Variants in TBCD observed in about 807,000 individuals in gnomAD.
TBCD encodes the protein tubulin folding cofactor D.
TBCD carries 105 observed loss-of-function variants against 169.3 expected under a neutral mutation model. The ratio of observed to expected loss-of-function variants is 0.62; its 90% CI spans 0.53 to 0.73. The LOEUF (loss-of-function observed/expected upper bound fraction) is 0.73, where lower values mean the gene tolerates loss of function less well. TBCD is among the 30% of genes least tolerant of loss of function. The pLI, the probability that TBCD is intolerant of heterozygous loss-of-function variation, is 0.00. For missense variants in TBCD, 1,444 were observed against 1,600.1 expected (o/e 0.90, Z 1.66); for synonymous variants, 700 against 643.9 (o/e 1.09, Z -1.32).
At chr17:82,827,177 A>C (rs767344894) in intron 13 of TBCD, among the ~76,000 whole-genome samples, 1 of 152,220 alleles carries the variant, frequency 6.6e-6, no homozygotes, top group African/African-American at 2.4e-5. Context: ...TGGTGTTTCA[A>C]CTTTTTCCAA....
intron 9 of TBCD, among the ~76,000 whole-genome samples, chr17:82,803,127 G>T (rs1002590778): frequency 1.3e-5 from 2 of 152,134 alleles, no homozygotes; most frequent in African/African-American, 4.8e-5. Flanking sequence ...GATGAGGACG[G>T]ACTTACGCTC....
chr17:82,926,616 C>A (rs1454734328), intron 28 of TBCD, 125 bp downstream of exon 28: 1 of 773,056 alleles, frequency 1.3e-6, no homozygotes, highest in Non-Finnish European at 2.1e-6. Context: ...TTCCTCTCTT[C>A]CAGAGGATCG....
chr17:82,859,434 AAG>A (rs1016839941), intron 13 of TBCD, among the ~76,000 whole-genome samples: 7 of 104,938 alleles, frequency 6.7e-5, no homozygotes, highest in Non-Finnish European at 1.6e-4. Flanking sequence ...CTTTCAGGGA[AAG>A]AGAGTCTCGT....
At chr17:82,845,619 C>T (rs1259577493) in intron 13 of TBCD, among the ~76,000 whole-genome samples, 5 of 152,172 alleles carry the variant, frequency 3.3e-5, no homozygotes, top group Non-Finnish European at 7.4e-5. Flanking sequence ...TCCTGTCCGG[C>T]TCAGCCCTTT....
At chr17:82,926,954 A>G (rs2061810354) in intron 28 of TBCD, 1 of 596,466 alleles carries the variant, frequency 1.7e-6, no homozygotes, top group South Asian at 2.1e-5. Context: ...GACCAGCCGC[A>G]GGGGGCGTCC....
chr17:82,901,015 C>T (rs953338421), intron 18 of TBCD, among the ~76,000 whole-genome samples: 8 of 152,184 alleles, frequency 5.3e-5, no homozygotes, highest in South Asian at 2.1e-4. Flanking sequence ...TCCGAGGGGG[C>T]GCGGGCGTAG....
At chr17:82,897,716 T>A (rs2059585248) in intron 17 of TBCD, among the ~76,000 whole-genome samples, 1 of 152,192 alleles carries the variant, frequency 6.6e-6, no homozygotes, top group Non-Finnish European at 1.5e-5. Context: ...CTGACTGACC[T>A]CCTGTCGCTG....
chr17:82,835,501 C>T lies in TBCD; in HGVS notation c.1318+20567C>T, dbSNP rs945943952. On this transcript the variant is annotated intron_variant, in intron 13 of 38. Transcript: ENST00000355528. This position sits in a 1 kb window ranked among gnomAD's most constrained non-coding sequence, Gnocchi z 4.5. Reference sequence around the variant, plus strand: ...GCAGTGGTGCGATCTCGGTTCACTGCAACCTCTGCCTCCTGGGTTCAAGAG... The same window carrying T: ...GCAGTGGTGCGATCTCGGTTCACTGTAACCTCTGCCTCCTGGGTTCAAGAG... 3.9e-5 allele frequency among the ~76,000 whole-genome samples: 6 copies of T among 152,184 alleles called. No individual in the cohort carries two copies. Among genetic ancestry groups the T allele is most frequent in the Admixed American group, 6.5e-5 (1 of 15,280 alleles).
chr17:82,761,224 A>G (rs1222331691), intron 2 of TBCD, among the ~76,000 whole-genome samples: 1 of 152,150 alleles, frequency 6.6e-6, no homozygotes, highest in Non-Finnish European at 1.5e-5. Context: ...TCGGCCTCCC[A>G]AAGTGCTGGG....
At chr17:82,899,108 C>T (rs1021633923) in intron 17 of TBCD, among the ~76,000 whole-genome samples, 7 of 152,212 alleles carry the variant, frequency 4.6e-5, no homozygotes, top group Admixed American at 2.0e-4. Flanking sequence ...GGGGACCGTC[C>T]GCAGCGCGTG....
rs547701844 is a variant in TBCD at position 82,867,595 on chromosome 17, C to T, written c.1319-2629C>T. Among the ~76,000 whole-genome samples, 7 of 152,284 alleles carry T rather than the reference C, an allele frequency of 4.6e-5. No individual in the cohort carries two copies. The East Asian group carries it at 5.8e-4, about 13-fold the overall frequency. On this transcript the variant is annotated intron_variant, in intron 13 of 38. Coordinates refer to ENST00000355528, the MANE Select transcript of TBCD (RefSeq NM_005993.5). ...GCGAGAAGGCTCAGAGTGGACTTTC[C>T]GGGGCAAACAACTGAGGGCCTTTTG...
At chr17:82,921,100 A>C in intron 24 of TBCD, 1 of 253,970 alleles carries the variant, frequency 3.9e-6, no homozygotes, top group Non-Finnish European at 7.5e-6. Context: ...AGAAGTTAGG[A>C]CTTTTTTTTT....
chr17:82,930,627 A>T lies in TBCD; in HGVS notation c.3097A>T (p.Asn1033Tyr), dbSNP rs768584060. The change falls in exon 33 of 39, where the codon AAC (asparagine) becomes TAC (tyrosine). Residue 1033 changes from asparagine to tyrosine, a missense_variant. Asn to Tyr is a moderately radical substitution (Grantham distance 143, BLOSUM62 -2). Transcript: ENST00000355528. The surrounding 1 kb of genome is among the most constrained non-coding windows in gnomAD (Gnocchi z 5.2). ...SGTLLQIFED[N>Y]LLNERVSVPL... is the part of the protein sequence containing the mutation. ...GACCCTTCTGCAGATCTTTGAGGAC[A>T]ACCTTCTGAATGAGAGGTGAGTGGT... 1 of 1,613,782 alleles carries T rather than the reference A, an allele frequency of 6.2e-7. No individual in the cohort carries two copies. The highest frequency in any genetic ancestry group is 1.3e-5 in the African/African-American group (1 of 74,882).
At chr17:82,916,917 T>C (rs1370807021) in intron 23 of TBCD, among the ~76,000 whole-genome samples, 5 of 152,142 alleles carry the variant, frequency 3.3e-5, no homozygotes, top group African/African-American at 1.2e-4. Flanking sequence ...GGGACTCTTA[T>C]TACCCACGTC....
chr17:82,906,037 G>T lies in TBCD; in HGVS notation c.1906G>T (p.Ala636Ser), dbSNP rs1274462216. 11 of 1,608,380 alleles carry T rather than the reference G, an allele frequency of 6.8e-6. No homozygotes were observed. The highest frequency in any genetic ancestry group is 6.8e-5 in the Admixed American group (4 of 59,140). Residue 636 changes from alanine to serine, a missense_variant, in exon 20 of 39, where the codon GCA becomes TCA. By Grantham distance (99) the Ala-to-Ser change is moderately conservative (BLOSUM62 1). Coordinates refer to ENST00000355528, the MANE Select transcript of TBCD (RefSeq NM_005993.5). ...AEVAYALYKL[A>S]AQENRPVTDH... ...AGTTGCTTACGCCTTGTACAAACTT[G>T]CAGCCCAAGAGAACAGGTAGGAAGA...
In TBCD at chr17:82,835,865, G is replaced by A. The variant is rs1233341890; in HGVS notation, c.1318+20931G>A. Among the ~76,000 whole-genome samples, 5 of 152,296 alleles carry A rather than the reference G, an allele frequency of 3.3e-5. 1 individual carries two copies. Among genetic ancestry groups the A allele is most frequent in the East Asian group, 1.9e-4 (1 of 5,186 alleles). ...GGGGCTCTGCTGACCTGCCACCTTC[G>A]CTGTGATGAGTTTCTGTGTAGCAGG... On this transcript the variant is annotated intron_variant, in intron 13 of 38. Coordinates refer to ENST00000355528, the MANE Select transcript of TBCD (RefSeq NM_005993.5). The surrounding 1 kb of genome is among the most constrained non-coding windows in gnomAD (Gnocchi z 4.5).
rs2063579983 is a variant in TBCD, at chr17:82,944,930, A to G, written c.*2467A>G. On this transcript the variant is annotated 3_prime_UTR_variant, in exon 39 of 39. Transcript: ENST00000355528. ...GAACAGCAGCAAGACTCTTATCTCAATCTATCTCCCCTGAAGTGGCCTGAA... is the reference window on the plus strand; with the variant it reads ...GAACAGCAGCAAGACTCTTATCTCAGTCTATCTCCCCTGAAGTGGCCTGAA... The G allele has an allele frequency of 6.6e-6, 1 of 152,224 alleles. No individual in the cohort carries two copies. The highest frequency in any genetic ancestry group is 6.5e-5 in the Admixed American group (1 of 15,284). 9.4% of individuals were successfully genotyped at this position (152,224 alleles called of 1,614,324 possible).
rs2063299812 is a variant in TBCD, at chr17:82,941,751, G to C, written c.3564+268G>C. 1.2e-5 allele frequency: 6 copies of C among 509,694 alleles called. No individual in the cohort carries two copies. The South Asian group carries it at 1.6e-4, about 13-fold the overall frequency. The allele number at this position is 509,694 out of a possible 1,614,324, so 31.6% of individuals were successfully genotyped here. On this transcript the variant is annotated intron_variant, in intron 38 of 38. Transcript: ENST00000355528. ...GTGGAGCTGGCACCAGCTTGATCCA[G>C]GCTCCTCATGCCTGGCCCTGGGGTC...
rs1314947870 is a variant in TBCD, at chr17:82,923,257, C to T, written c.2179-395C>T. ...TTGTGGAAGGAATAATCAGGTTATCCATTCAGTTTCTTAGTTGTAGTGGTA... is the reference window on the plus strand; with the variant it reads ...TTGTGGAAGGAATAATCAGGTTATCTATTCAGTTTCTTAGTTGTAGTGGTA... On this transcript the variant is annotated intron_variant, in intron 25 of 38. Transcript: ENST00000355528. This position sits in a 1 kb window ranked among gnomAD's most constrained non-coding sequence, Gnocchi z 4.6. Among the ~76,000 whole-genome samples the T allele has an allele frequency of 2.0e-5, 3 of 152,196 alleles. No individual in the cohort carries two copies. The highest frequency in any genetic ancestry group is 4.4e-5 in the Non-Finnish European group (3 of 68,024).
Sources: gnomAD v4.1 joint callset for allele counts (sites outside exome capture counted in the v4.1 genomes callset) on GRCh38, gnomAD v4.1.1 for gene constraint, Gnocchi (gnomAD v3.1) non-coding constraint, MANE v1.5 for transcripts, NCBI Gene and HGNC (gene_info 2026-07-23, HGNC 2026-07-21) for gene names.